COL24A1: variants seen among roughly 807,000 people sequenced by gnomAD.
COL24A1 encodes collagen alpha-1(XXIV) chain.
Under a neutral mutation model 253.9 loss-of-function variants are expected in COL24A1, and 224 were observed. The ratio of observed to expected loss-of-function variants is 0.88; its 90% CI spans 0.79 to 0.99. COL24A1 has a LOEUF of 0.99. COL24A1 is among the 50% of genes least tolerant of loss of function. The pLI, the probability that COL24A1 is intolerant of heterozygous loss-of-function variation, is 0.00. For synonymous variants in COL24A1, 685 were observed against 673.7 expected (o/e 1.02, Z -0.26); for missense variants, 2,131 against 2,068.5 (o/e 1.03, Z -0.59).
At position 85,847,771 on chromosome 1, in the gene COL24A1, C is replaced by T. The variant is rs749491248; in HGVS notation, c.3356G>A (p.Gly1119Asp). ...TGTGGGTCCTATTTGTCCTTTATCA[C>T]CCTGTGGATGACATTATTAAGAGAG... ...PGQRGRPGKK[G>D]DKGQIGPTGE... The change falls in exon 39 of 60, where the codon GGT becomes GAT. Residue 1119 changes from glycine to aspartate, a missense_variant and splice_region_variant. Transcript: ENST00000370571. 1 of 1,606,462 alleles carries T rather than the reference C, an allele frequency of 6.2e-7. No homozygotes were observed. The highest frequency in any genetic ancestry group is 8.5e-7 in the Non-Finnish European group (1 of 1,173,436).
At chr1:85,785,742 T>C (rs139949466) in intron 48 of COL24A1, among the ~76,000 whole-genome samples, 9 of 152,326 alleles carry the variant, frequency 5.9e-5, no homozygotes, top group African/African-American at 1.9e-4. Flanking sequence ...GAGGTAATAA[T>C]GGTAAGGGTG....
chr1:86,114,490 A>G (rs533651133), intron 4 of COL24A1, among the ~76,000 whole-genome samples: 9 of 152,244 alleles, frequency 5.9e-5, no homozygotes, highest in East Asian at 3.9e-4. Context: ...CATGGGCTAG[A>G]GGAGAACGAG....
intron 14 of COL24A1, 124 bp from the exon 15 acceptor site, chr1:86,023,131 GTTC>G: frequency 2.8e-6 from 2 of 726,700 alleles, no homozygotes; most frequent in East Asian, 2.8e-5. Flanking sequence ...CACGTGCCTT[GTTC>G]TTCAACAACT....
intron 35 of COL24A1, among the ~76,000 whole-genome samples, chr1:85,869,673 G>T (rs1390668432): frequency 6.6e-6 from 1 of 152,130 alleles, no homozygotes; most frequent in Non-Finnish European, 1.5e-5. Context: ...CACCAGGCCT[G>T]CCCTACAAGA....
chr1:86,119,747 C>T (rs1401394146), intron 3 of COL24A1, among the ~76,000 whole-genome samples: 1 of 152,010 alleles, frequency 6.6e-6, no homozygotes, highest in Non-Finnish European at 1.5e-5. Flanking sequence ...GATACAGTTG[C>T]CTTTATTTTA....
At chr1:85,888,947 A>G (rs1682810462) in intron 32 of COL24A1, among the ~76,000 whole-genome samples, 2 of 152,160 alleles carry the variant, frequency 1.3e-5, no homozygotes, top group Non-Finnish European at 2.9e-5. Flanking sequence ...ATCTGACACT[A>G]TTAACCAGAA....
chr1:85,817,888 C>T (rs1017063810), intron 46 of COL24A1, 146 bp downstream of exon 46: 2 of 675,598 alleles, frequency 3.0e-6, no homozygotes, highest in Non-Finnish European at 5.1e-6. Context: ...TTTGTTCCCT[C>T]TGTGTTCCAG....
intron 19 of COL24A1, 126 bp downstream of exon 19, chr1:86,017,025 A>G: frequency 1.1e-6 from 1 of 877,986 alleles, no homozygotes; most frequent in Admixed American, 2.9e-5. Context: ...AGTCCAAACT[A>G]TTTACGGAGA....
chr1:86,069,608 G>A (rs764004039), intron 7 of COL24A1, among the ~76,000 whole-genome samples: 5 of 152,058 alleles, frequency 3.3e-5, no homozygotes, highest in Admixed American at 1.3e-4. Context: ...AGTGGTGACG[G>A]CCACAGGGTG....
At chr1:85,852,722 T>C (rs1677914878) in intron 37 of COL24A1, among the ~76,000 whole-genome samples, 1 of 152,244 alleles carries the variant, frequency 6.6e-6, no homozygotes, top group South Asian at 2.1e-4. Context: ...TGCTAGGTAC[T>C]TAATTTTGTG....
At chr1:85,793,505 A>C (rs1670509775) in intron 47 of COL24A1, among the ~76,000 whole-genome samples, 1 of 152,008 alleles carries the variant, frequency 6.6e-6, no homozygotes, top group African/African-American at 2.4e-5. Context: ...GGAGAGAGAG[A>C]GCGAGAGCGA....
At chr1:85,833,855 C>A (rs539634277) in intron 43 of COL24A1, among the ~76,000 whole-genome samples, 2 of 150,960 alleles carry the variant, frequency 1.3e-5, no homozygotes, top group African/African-American at 4.9e-5. Flanking sequence ...TCTCAGCAAA[C>A]TATGGCAAGG....
chr1:86,134,520 A>AGC (rs1649891554), intron 2 of COL24A1, among the ~76,000 whole-genome samples: 1 of 143,162 alleles, frequency 7.0e-6, no homozygotes, highest in Non-Finnish European at 1.5e-5. Flanking sequence ...ACTGCTTTGA[A>AGC]TGTGTCCCAG....
chr1:86,127,852 A>T (rs964164084), intron 2 of COL24A1, among the ~76,000 whole-genome samples: 13 of 152,084 alleles, frequency 8.5e-5, no homozygotes, highest in African/African-American at 2.9e-4. Context: ...TAATTACTGA[A>T]TGCCATTCCT....
At chr1:86,002,613 C>T (rs771474115) in intron 19 of COL24A1, among the ~76,000 whole-genome samples, 27 of 152,230 alleles carry the variant, frequency 1.8e-4, no homozygotes, top group Non-Finnish European at 3.4e-4. Context: ...GAACATCACC[C>T]CAATCCACTA....
rs746291833 is a variant in COL24A1 at position 86,115,338 on chromosome 1, T to C, written c.1532A>G (p.Lys511Arg). 2 of 1,613,862 alleles carry C rather than the reference T, an allele frequency of 1.2e-6. No individual in the cohort carries two copies. The highest frequency in any genetic ancestry group is 2.7e-5 in the African/African-American group (2 of 74,940). Reference protein sequence around the residue: ...GPAGIPGPSGKRGPRGIPGPH... With the variant: ...GPAGIPGPSGRRGPRGIPGPH... ...CCATCTACTTACCCGTGGACCTCTC[T>C]TCCCTGACGGACCTGGGATACCTGC... Residue 511 changes from lysine to arginine, a missense_variant, in exon 4 of 60, where the codon AAG becomes AGG. Transcript: ENST00000370571.
At chr1:86,102,113 T>C (rs1704515736) in intron 5 of COL24A1, among the ~76,000 whole-genome samples, 1 of 152,160 alleles carries the variant, frequency 6.6e-6, no homozygotes, top group Non-Finnish European at 1.5e-5. Context: ...GGGTTCATTC[T>C]TGGGAAAGTG....
intron 43 of COL24A1, among the ~76,000 whole-genome samples, chr1:85,836,414 TAAA>T (rs1484770287): frequency 1.2e-4 from 19 of 152,240 alleles, no homozygotes; most frequent in Non-Finnish European, 1.8e-4. Flanking sequence ...TTTATCCTAA[TAAA>T]GAAGCTTGGT....
intron 19 of COL24A1, among the ~76,000 whole-genome samples, chr1:86,013,481 C>T (rs771659251): frequency 2.6e-5 from 4 of 152,200 alleles, no homozygotes; most frequent in African/African-American, 9.7e-5. Context: ...AATCCCCTTA[C>T]AACAAAATGT....
Sources: allele counts gnomAD v4.1 joint callset (sites outside exome capture counted in the v4.1 genomes callset), GRCh38; gene constraint gnomAD v4.1.1; transcripts MANE v1.5; gene names NCBI Gene and HGNC (gene_info 2026-07-23, HGNC 2026-07-21).